Variants in BANK1 observed in about 807,000 individuals in gnomAD.
BANK1 encodes the protein B-cell scaffold protein with ankyrin repeats.
Under a neutral mutation model 94.5 loss-of-function variants are expected in BANK1, and 95 were observed. That is an observed-to-expected ratio of 1.00 (90% CI 0.85 to 1.19). The LOEUF is 1.19. Among genes scored for constraint, BANK1 ranks in the 50% most tolerant of loss-of-function variants. The probability of loss-of-function intolerance (pLI) is 0.00; values close to 1 mark genes in which losing one functional copy is unlikely to be tolerated. For missense variants in BANK1, 987 were observed against 932.2 expected (o/e 1.06, Z -0.77); for synonymous variants, 334 against 308.4 (o/e 1.08, Z -0.87).
intron 11 of BANK1, among the ~76,000 whole-genome samples, chr4:102,052,654 C>A (rs1368294790): frequency 6.6e-6 from 1 of 152,134 alleles, no homozygotes; most frequent in Non-Finnish European, 1.5e-5. Context: ...GCTAACAATT[C>A]ATAACTGCTT....
chr4:101,813,798 A>G (rs1303600499), intron 1 of BANK1: 14 of 921,910 alleles, frequency 1.5e-5, no homozygotes, highest in African/African-American at 5.4e-5. Context: ...GGTAGGAGAC[A>G]CACTTTGCTA....
chr4:101,979,418 CCT>C (rs562769301), intron 7 of BANK1, among the ~76,000 whole-genome samples: 2 of 151,700 alleles, frequency 1.3e-5, no homozygotes, highest in Non-Finnish European at 3.0e-5. Context: ...AGAAAAACTC[CCT>C]GTTTCTTATT....
At chr4:102,037,057 A>G (rs1319328962) in intron 10 of BANK1, among the ~76,000 whole-genome samples, 1 of 152,206 alleles carries the variant, frequency 6.6e-6, no homozygotes, top group Non-Finnish European at 1.5e-5. Flanking sequence ...TCCACTTAAC[A>G]TATGATGTTA....
At chr4:101,828,560 T>C (rs1468299390) in intron 1 of BANK1, among the ~76,000 whole-genome samples, 3 of 152,004 alleles carry the variant, frequency 2.0e-5, no homozygotes, top group African/African-American at 7.2e-5. Flanking sequence ...TTTACATAAA[T>C]ACAATTATGC....
chr4:102,067,658 A>G (rs982465238), intron 13 of BANK1, among the ~76,000 whole-genome samples: 1 of 151,780 alleles, frequency 6.6e-6, no homozygotes, highest in Non-Finnish European at 1.5e-5. Context: ...TTTATATTAT[A>G]TATATGAATT....
intron 11 of BANK1, among the ~76,000 whole-genome samples, chr4:102,054,716 A>G (rs1380174205): frequency 1.3e-5 from 2 of 152,168 alleles, no homozygotes; most frequent in African/African-American, 2.4e-5. Context: ...TTAGTCGGTT[A>G]CTTACCTACT....
chr4:101,814,280 T>A (rs28496978), intron 1 of BANK1, among the ~76,000 whole-genome samples: 26,268 of 152,062 alleles, frequency 0.17, 3,783 homozygotes, highest in African/African-American at 0.38. Context: ...CCATGAAAAG[T>A]ATTCAGGCAG....
chr4:102,027,672 A>G (rs953831820), intron 9 of BANK1, among the ~76,000 whole-genome samples: 1 of 149,578 alleles, frequency 6.7e-6, no homozygotes, highest in African/African-American at 2.4e-5. Flanking sequence ...TACTGAAGGA[A>G]AAAAAAAAAA....
In BANK1 at chr4:102,053,714, T is replaced by G. The variant is rs1201892677; in HGVS notation, c.1970-6497T>G. 2.0e-5 allele frequency among the ~76,000 whole-genome samples: 3 copies of G among 151,848 alleles called. No individual in the cohort carries two copies. The East Asian group carries it at 5.8e-4, about 29-fold the overall frequency. On this transcript the variant is annotated intron_variant, in intron 11 of 16. Transcript: ENST00000322953. Reference sequence around the variant, plus strand: ...TTACTGAAGTAAACTTAAATAATTATTGTAAATTTATTTATAAGACATGAA... The same window carrying G: ...TTACTGAAGTAAACTTAAATAATTAGTGTAAATTTATTTATAAGACATGAA...
chr4:102,063,657 A>T (rs905800387), intron 13 of BANK1, among the ~76,000 whole-genome samples: 3 of 151,744 alleles, frequency 2.0e-5, no homozygotes, highest in African/African-American at 7.3e-5. Flanking sequence ...CCCCATCTCT[A>T]CTAAAAATAT....
At chr4:101,963,132 T>C (rs982523178) in intron 7 of BANK1, among the ~76,000 whole-genome samples, 7 of 152,112 alleles carry the variant, frequency 4.6e-5, no homozygotes, top group African/African-American at 1.7e-4. Context: ...ACCAGTGCCA[T>C]ACAATCTTAT....
intron 7 of BANK1, among the ~76,000 whole-genome samples, chr4:101,958,185 A>G (rs1433814846): frequency 6.6e-6 from 1 of 151,734 alleles, no homozygotes; most frequent in Non-Finnish European, 1.5e-5. Flanking sequence ...TTTATACTTA[A>G]CCATCTATTT....
chr4:101,821,929 A>G lies in BANK1; in HGVS notation c.71-7879A>G, dbSNP rs916358351. On this transcript the variant is annotated intron_variant, in intron 1 of 16. Transcript: ENST00000322953. ...ATCTGATATTCTGATGGTGCTTTCAATCAAGGTAGGCATGGGAGCCTAGGT... is the reference window on the plus strand; with the variant it reads ...ATCTGATATTCTGATGGTGCTTTCAGTCAAGGTAGGCATGGGAGCCTAGGT... 2.6e-5 allele frequency among the ~76,000 whole-genome samples: 4 copies of G among 152,204 alleles called. No homozygotes were observed. The East Asian group carries it at 5.8e-4, about 22-fold the overall frequency.
chr4:101,847,736 TACAC>T (rs35196238), intron 2 of BANK1, among the ~76,000 whole-genome samples: 45,071 of 145,514 alleles, frequency 0.31, 6,790 homozygotes, highest in East Asian at 0.42. Context: ...TATTCCATCA[TACAC>T]ACACACACAC....
At chr4:101,908,370 T>G (rs995578408) in intron 6 of BANK1, among the ~76,000 whole-genome samples, 1 of 152,224 alleles carries the variant, frequency 6.6e-6, no homozygotes, top group Non-Finnish European at 1.5e-5. Context: ...AAGCTGAAAC[T>G]GGATCCCTTC....
At chr4:102,049,822 T>C (rs76268296) in intron 11 of BANK1, among the ~76,000 whole-genome samples, 4,280 of 152,340 alleles carry the variant, frequency 0.028, 73 homozygotes, top group Non-Finnish European at 0.038. Flanking sequence ...CGCAAGCATG[T>C]GCACTAAGAG....
intron 1 of BANK1, among the ~76,000 whole-genome samples, chr4:101,795,303 T>C (rs1281626558): frequency 6.6e-6 from 1 of 152,176 alleles, no homozygotes; most frequent in African/African-American, 2.4e-5. Context: ...GTGTCTACTC[T>C]GGACAACAAG....
At chr4:102,066,003 T>A (rs1728579397) in intron 13 of BANK1, among the ~76,000 whole-genome samples, 3 of 152,126 alleles carry the variant, frequency 2.0e-5, no homozygotes, top group East Asian at 1.9e-4. Context: ...AAATATTTTT[T>A]AAAAAATGAT....
At chr4:101,831,949 T>C (rs1726638767) in intron 2 of BANK1, among the ~76,000 whole-genome samples, 1 of 152,240 alleles carries the variant, frequency 6.6e-6, no homozygotes, top group South Asian at 2.1e-4. Context: ...AAGCCTCCAC[T>C]AAGTGAAGAT....
Sources: allele counts gnomAD v4.1 joint callset (sites outside exome capture counted in the v4.1 genomes callset), GRCh38; gene constraint gnomAD v4.1.1; transcripts MANE v1.5; gene names NCBI Gene and HGNC (gene_info 2026-07-23, HGNC 2026-07-21).